LIG3: variants seen among roughly 807,000 people sequenced by gnomAD.
The protein encoded by LIG3 is ligase II, DNA, ATP-dependent.
Under a neutral mutation model 110.9 loss-of-function variants are expected in LIG3, and 58 were observed. The ratio of observed to expected loss-of-function variants is 0.52; its 90% CI spans 0.42 to 0.65. The LOEUF is 0.65. Ranked by LOEUF, LIG3 falls within the 30% of genes least tolerant of loss-of-function variation. The pLI is 0.00. For synonymous variants in LIG3, 422 were observed against 472.8 expected (o/e 0.89, Z 1.39); for missense variants, 1,094 against 1,273.8 (o/e 0.86, Z 2.15).
At position 35,005,601 on chromosome 17, in the gene LIG3, G is replaced by A. The variant is rs527947973; in HGVS notation, c.*1095G>A. 48 of 579,224 alleles carry A rather than the reference G, an allele frequency of 8.3e-5. No individual in the cohort carries two copies. Among genetic ancestry groups the A allele is most frequent in the Non-Finnish European group, 1.5e-4 (44 of 288,626 alleles). The allele number at this position is 579,224 out of a possible 1,614,324, so 35.9% of individuals were successfully genotyped here. On this transcript the variant is annotated 3_prime_UTR_variant, in exon 20 of 20. Coordinates refer to ENST00000378526, the MANE Select transcript of LIG3 (RefSeq NM_013975.4). ...TGGGAGGTTTAGGTTTCATAATGCT[G>A]GACCAGTCGAATGCACCAAATATCC... is the stretch of plus-strand genomic sequence containing the variant.
Position 34,991,967 on chromosome 17 carries a change from C to T in LIG3, c.1218C>T (p.Ala406=). The change falls in exon 7 of 20, where the codon GCC becomes GCT. Residue 406 remains alanine (A), a synonymous_variant. Coordinates refer to ENST00000378526, the MANE Select transcript of LIG3 (RefSeq NM_013975.4). ...TGCTTCATCCCCCTAGGTGTACAGC[C>T]AATGACCTTAAATGCATCATCAGGT... ...ALQDIASRCT[A]NDLKCIIRLI... is the part of the protein sequence containing the mutation. The T allele has an allele frequency of 5.6e-6, 9 of 1,614,084 alleles. No individual in the cohort carries two copies. The highest frequency in any genetic ancestry group is 7.6e-6 in the Non-Finnish European group (9 of 1,179,912).
intron 18 of LIG3, 67 bp from the exon 19 acceptor site, chr17:35,002,601 T>A (rs1264721431): frequency 6.5e-7 from 1 of 1,540,536 alleles, no homozygotes; most frequent in African/African-American, 1.4e-5. Flanking sequence ...TGAGTTGAAT[T>A]GATCCTCCCG....
At position 34,983,107 on chromosome 17, in the gene LIG3, A is replaced by G. The variant is rs748711032; in HGVS notation, c.102A>G (p.Gln34=). Residue 34 remains glutamine, a synonymous_variant, in exon 2 of 20, where the codon CAA becomes CAG. Transcript: ENST00000378526. Reference sequence around the variant, plus strand: ...AACATCACTGGCGTGATGTAAGACAATTCAGCCAGTGGTCAGAAACAGATC... The same window carrying G: ...AACATCACTGGCGTGATGTAAGACAGTTCAGCCAGTGGTCAGAAACAGATC... ...FRKHHWRDVR[Q]FSQWSETDLL... 20 of 1,614,042 alleles carry G rather than the reference A, an allele frequency of 1.2e-5. No individual in the cohort carries two copies. The highest frequency in any genetic ancestry group is 7.7e-5 in the South Asian group (7 of 91,086).
intron 1 of LIG3, chr17:34,980,863 T>C (rs974663551): frequency 6.5e-6 from 1 of 153,522 alleles, no homozygotes; most frequent in Admixed American, 6.5e-5. Flanking sequence ...GCGCCCGGGC[T>C]GTGTTCCCTG....
Position 34,980,619 on chromosome 17 carries a change from G to A in LIG3, c.-8G>A, listed in dbSNP as rs1467806195. On this transcript the variant is annotated 5_prime_UTR_variant, in exon 1 of 20. Transcript: ENST00000378526. ...TACGGTGAGCGCCGGAGCCGGAGAG[G>A]CAGGTGAGGGGCTACGCGGCGCGGC... The A allele has an allele frequency of 1.6e-6, 2 of 1,283,778 alleles. No individual in the cohort carries two copies. The highest frequency in any genetic ancestry group is 4.6e-5 in the Admixed American group (2 of 43,020). 79.5% of individuals were successfully genotyped at this position (1,283,778 alleles called of 1,614,324 possible).
chr17:34,991,513 T>C, intron 5 of LIG3, 158 bp from the exon 6 acceptor site: 1 of 691,668 alleles, frequency 1.4e-6, no homozygotes, highest in Non-Finnish European at 2.4e-6. Flanking sequence ...TTCTAGGAAT[T>C]GTGGATGGGC....
chr17:34,994,219 T>G (rs1447413602), intron 8 of LIG3, 57 bp from the exon 9 acceptor site: 10 of 1,558,362 alleles, frequency 6.4e-6, no homozygotes, highest in Non-Finnish European at 7.8e-6. Flanking sequence ...TCTCTGGCTG[T>G]CGCTGCTTAG....
In LIG3 at chr17:34,983,285, T is replaced by C; in HGVS notation, c.280T>C (p.Cys94Arg). Reference sequence around the variant, plus strand: ...CTGTGAGATGGCTGAGCAACGGTTCTGTGTGGACTATGCCAAGCGTGGCAC... The same window carrying C: ...CTGTGAGATGGCTGAGCAACGGTTCCGTGTGGACTATGCCAAGCGTGGCAC... ...GPCEMAEQRFCVDYAKRGTAG... is the reference protein window; with the variant it reads ...GPCEMAEQRFRVDYAKRGTAG... The change falls in exon 2 of 20, where the codon TGT becomes CGT. Residue 94 changes from cysteine to arginine, a missense_variant. Coordinates refer to ENST00000378526, the MANE Select transcript of LIG3 (RefSeq NM_013975.4). 6.2e-7 allele frequency: 1 copy of C among 1,614,254 alleles called. No individual in the cohort carries two copies. Among genetic ancestry groups the C allele is most frequent in the Non-Finnish European group, 8.5e-7 (1 of 1,180,046 alleles).
intron 3 of LIG3, among the ~76,000 whole-genome samples, chr17:34,989,141 C>T (rs758367208): frequency 3.9e-5 from 6 of 152,134 alleles, no homozygotes; most frequent in Non-Finnish European, 5.9e-5. Context: ...TGTGCCCAGC[C>T]AGTCCTGATC....
At chr17:34,981,865 A>G (rs2090597878) in intron 1 of LIG3, among the ~76,000 whole-genome samples, 1 of 152,210 alleles carries the variant, frequency 6.6e-6, no homozygotes. Context: ...ATCTTTTTCC[A>G]TTTGGATTGA....
Position 35,004,348 on chromosome 17 carries a change from T to C in LIG3, c.2872T>C (p.Tyr958His). Reference protein sequence around the residue: ...STPDFSRLRRYFVAFDGDLVQ... With the variant: ...STPDFSRLRRHFVAFDGDLVQ... The stretch of plus-strand genomic sequence containing the variant: ...ACCAGACTTCAGCCGTCTCAGACGC[T>C]ACTTTGTGGCATTCGACGGGGACCT... Residue 958 changes from tyrosine to histidine, a missense_variant, in exon 20 of 20, where the codon TAC becomes CAC. Coordinates refer to ENST00000378526, the MANE Select transcript of LIG3 (RefSeq NM_013975.4). The C allele has an allele frequency of 1.2e-6, 2 of 1,614,214 alleles. No individual in the cohort carries two copies. Among genetic ancestry groups the C allele is most frequent in the South Asian group, 1.1e-5 (1 of 91,084 alleles).
At position 34,989,597 on chromosome 17, in the gene LIG3, G is replaced by A. The variant is rs765539191; in HGVS notation, c.823G>A (p.Asp275Asn). 5 of 1,613,970 alleles carry A rather than the reference G, an allele frequency of 3.1e-6. No individual in the cohort carries two copies. In the South Asian group the frequency reaches 3.3e-5, roughly 11 times the overall value. ...TCGAAAGTTATGCGCCATGGTGGCC[G>A]ATAATCCTAGCTACAACACGAAGAC... is the stretch of plus-strand genomic sequence containing the variant. The part of the protein sequence containing the change: ...EFRKLCAMVA[D>N]NPSYNTKTQI... The change falls in exon 4 of 20, where the codon GAT becomes AAT. Residue 275 changes from aspartate to asparagine, a missense_variant. Asp to Asn is a conservative substitution (Grantham distance 23). Transcript: ENST00000378526.
At position 34,996,155 on chromosome 17, in the gene LIG3, C is replaced by G; in HGVS notation, c.1703C>G (p.Thr568Arg). 6.2e-7 allele frequency: 1 copy of G among 1,614,202 alleles called. No individual in the cohort carries two copies. Among genetic ancestry groups the G allele is most frequent in the Middle Eastern group, 1.6e-4 (1 of 6,062 alleles). ...GAAGTGCTTCTGATTGACAACAAGACAGGCAAACCACTGCCCTTTGGGACT... is the reference window on the plus strand; with the variant it reads ...GAAGTGCTTCTGATTGACAACAAGAGAGGCAAACCACTGCCCTTTGGGACT... ...DSEVLLIDNK[T>R]GKPLPFGTLG... Residue 568 changes from threonine (T) to arginine (R), a missense_variant, in exon 10 of 20, where the codon ACA becomes AGA. Coordinates refer to ENST00000378526, the MANE Select transcript of LIG3 (RefSeq NM_013975.4).
intron 9 of LIG3, among the ~76,000 whole-genome samples, chr17:34,995,753 T>C (rs1325130281): frequency 6.6e-6 from 1 of 152,162 alleles, no homozygotes; most frequent in Non-Finnish European, 1.5e-5. Context: ...CCACCTACCC[T>C]CCTCCTCCTC....
At chr17:34,998,087 C>G (rs1304045515) in intron 12 of LIG3, 132 bp from the exon 13 acceptor site, 2 of 713,122 alleles carry the variant, frequency 2.8e-6, no homozygotes, top group African/African-American at 1.8e-5. Flanking sequence ...GCTTTCTAAC[C>G]CTTTGTCCCT....
intron 14 of LIG3, 38 bp from the exon 15 acceptor site, chr17:34,999,269 C>A: frequency 6.3e-7 from 1 of 1,583,148 alleles, no homozygotes; most frequent in Middle Eastern, 1.8e-4. Context: ...GCAGAGATGG[C>A]TCCTCCAACC....
At chr17:34,988,190 CAAAAAAAAAAA>C (rs555462146) in intron 3 of LIG3, among the ~76,000 whole-genome samples, 7 of 45,702 alleles carry the variant, frequency 1.5e-4, no homozygotes, top group South Asian at 1.1e-3. Flanking sequence ...GACTCTGTCT[CAAAAAAAAAAA>C]AAAAAAAAAA....
At chr17:34,980,724 G>A (rs527791020) in intron 1 of LIG3, 102 bp downstream of exon 1, 9 of 637,770 alleles carry the variant, frequency 1.4e-5, no homozygotes, top group South Asian at 1.4e-4. Context: ...CCAGCCCCCC[G>A]GCTCCTCCCC....
At chr17:34,996,750 ACAGGGAAC>A in intron 11 of LIG3, 97 bp downstream of exon 11, 1 of 1,034,494 alleles carries the variant, frequency 9.7e-7, no homozygotes, top group Non-Finnish European at 1.5e-6. Context: ...AAAGGAGGGT[ACAGGGAAC>A]CAGCTGGCAC....
Sources: gnomAD v4.1 joint callset for allele counts (sites outside exome capture counted in the v4.1 genomes callset) on GRCh38, gnomAD v4.1.1 for gene constraint, MANE v1.5 for transcripts, NCBI Gene and HGNC (gene_info 2026-07-23, HGNC 2026-07-21) for gene names.